TPGS2: variants seen among roughly 807,000 people sequenced by gnomAD.
The protein encoded by TPGS2 is polyglutamylase subunit 2.
TPGS2 carries 26 observed loss-of-function variants against 31.1 expected under a neutral mutation model. The observed-to-expected ratio is 0.84, with a 90% CI of 0.61 to 1.16. The LOEUF is 1.16. Ranked by LOEUF, TPGS2 falls within the 50% of genes most tolerant of loss-of-function variation. The pLI is 0.00. For synonymous variants in TPGS2, 130 were observed against 136.6 expected, an observed-to-expected ratio of 0.95 and a Z score of 0.34; for missense variants, 351 against 363.8, an observed-to-expected ratio of 0.96 and a Z score of 0.29.
chr18:36,791,863 C>T (rs1003677704), downstream of TPGS2, among the ~76,000 whole-genome samples: 1 of 151,950 alleles, frequency 6.6e-6, no homozygotes, highest in African/African-American at 2.4e-5. Context: ...GAGACTGCAT[C>T]TCTATAAATA....
In TPGS2 at chr18:36,807,876, A is replaced by G. The variant is rs918412059; in HGVS notation, c.224T>C (p.Phe75Ser). Residue 75 changes from phenylalanine to serine, a missense_variant, in exon 3 of 7, where the codon TTC becomes TCC. Phe to Ser is a radical substitution (Grantham distance 155). Transcript: ENST00000334295. Reference sequence around the variant, plus strand: ...CAGCTTCACACTCCATGTCATGTGGAAGCCATTGGTCATCAGGTAAAAGTT... The same window carrying G: ...CAGCTTCACACTCCATGTCATGTGGGAGCCATTGGTCATCAGGTAAAAGTT... ...VKNFYLMTNGFHMTWSVKLDE... is the reference protein window; with the variant it reads ...VKNFYLMTNGSHMTWSVKLDE... The G allele has an allele frequency of 7.4e-6, 12 of 1,614,192 alleles. No homozygotes were observed. The highest frequency in any genetic ancestry group is 8.5e-6 in the Non-Finnish European group (10 of 1,180,034).
chr18:36,787,642 GATACACTTATTTAGACAAGGT>G (rs1297945031), intron 6 of TPGS2, among the ~76,000 whole-genome samples: 1 of 152,218 alleles, frequency 6.6e-6, no homozygotes, highest in Non-Finnish European at 1.5e-5. Context: ...GATCCTTGAT[GATACACTTATTTAGACAAGGT>G]GATTTTACTG....
chr18:36,814,595 G>C (rs2045572331), intron 2 of TPGS2, among the ~76,000 whole-genome samples: 4 of 152,164 alleles, frequency 2.6e-5, no homozygotes, highest in Admixed American at 2.6e-4. Context: ...ATGAACATGA[G>C]ATCCAGAGAA....
chr18:36,828,100 G>A (rs1454881412), intron 1 of TPGS2, among the ~76,000 whole-genome samples: 2 of 152,088 alleles, frequency 1.3e-5, no homozygotes, highest in Non-Finnish European at 2.9e-5. Flanking sequence ...CCCAGGAGGC[G>A]CAGGTTGCAG....
chr18:36,793,569 T>C (rs563941305), downstream of TPGS2, among the ~76,000 whole-genome samples: 1 of 152,314 alleles, frequency 6.6e-6, no homozygotes, highest in South Asian at 2.1e-4. Context: ...CCACTTATGC[T>C]GAAAATACTA....
Position 36,786,854 on chromosome 18 carries a change from CATTCTTGCCATAACTGAGGAATG to C in TPGS2, c.658-3746_658-3724del. On this transcript the variant is annotated intron_variant, in intron 6 of 6. Transcript: ENST00000587129. ...CAACACCTAACAGTGAAAAATAGCA[CATTCTTGCCATAACTGAGGAATG>C]ATTGCGACACTGTTGTTCCCATGCT... The C allele has an allele frequency of 4.1e-6, 5 of 1,234,324 alleles. 1 individual carries two copies. Among genetic ancestry groups the C allele is most frequent in the Middle Eastern group, 2.1e-4 (1 of 4,840 alleles). 76.5% of individuals were successfully genotyped at this position (1,234,324 alleles called of 1,614,324 possible).
chr18:36,788,947 A>AAG (rs2044216471), intron 6 of TPGS2: 2 of 152,218 alleles, frequency 1.3e-5, no homozygotes. Context: ...AGCTGCTTTA[A>AAG]GATGCAGAAA....
At chr18:36,807,594 C>T in intron 3 of TPGS2, 1 of 529,826 alleles carries the variant, frequency 1.9e-6, no homozygotes, top group Non-Finnish European at 3.3e-6. Context: ...GTTTTCTCTA[C>T]CCTATTCCTA....
chr18:36,804,576 A>AG (rs2045015757), intron 4 of TPGS2, among the ~76,000 whole-genome samples: 1 of 152,172 alleles, frequency 6.6e-6, no homozygotes, highest in South Asian at 2.1e-4. Context: ...CAATCGGAGG[A>AG]GAAAGCCTTA....
intron 6 of TPGS2, among the ~76,000 whole-genome samples, chr18:36,797,622 C>A (rs911723170): frequency 8.7e-5 from 13 of 148,822 alleles, no homozygotes; most frequent in African/African-American, 3.2e-4. Flanking sequence ...AATTATGTGA[C>A]ATTTGAAGAA....
At chr18:36,798,417 A>G (rs756779608) in intron 6 of TPGS2, 32 bp downstream of exon 6, 6 of 1,613,918 alleles carry the variant, frequency 3.7e-6, no homozygotes, top group Non-Finnish European at 3.4e-6. Flanking sequence ...GGAATATACC[A>G]TAGTTTACAA....
chr18:36,825,855 C>A (rs575415639), intron 1 of TPGS2, among the ~76,000 whole-genome samples: 1 of 152,264 alleles, frequency 6.6e-6, no homozygotes, highest in African/African-American at 2.4e-5. Context: ...TTGATGGGAA[C>A]TGGAGATGTG....
chr18:36,805,882 C>T (rs967167036), intron 3 of TPGS2: 6 of 156,314 alleles, frequency 3.8e-5, no homozygotes, highest in African/African-American at 1.4e-4. Flanking sequence ...TAAACATTTT[C>T]TGAAGGAGTA....
rs531327635 is a variant in TPGS2, at chr18:36,828,357, G to T, written c.85+326C>A. Among the ~76,000 whole-genome samples, 4 of 152,074 alleles carry T rather than the reference G, an allele frequency of 2.6e-5. No homozygotes were observed. The East Asian group carries it at 7.7e-4, about 29-fold the overall frequency. ...TGCCCTGGCTGAGAATGCCTCCTAG[G>T]GGGAGATCCAACTTCCCAACCGTCA... is the stretch of plus-strand genomic sequence containing the variant. On this transcript the variant is annotated intron_variant, in intron 1 of 6. Coordinates refer to ENST00000334295, the MANE Select transcript of TPGS2 (RefSeq NM_015476.4).
intron 2 of TPGS2, among the ~76,000 whole-genome samples, chr18:36,810,455 C>A (rs2045370141): frequency 1.3e-5 from 2 of 152,132 alleles, no homozygotes; most frequent in Admixed American, 6.5e-5. Flanking sequence ...CTGCCCACAT[C>A]AGAGGGCTTC....
Position 36,795,885 on chromosome 18 carries a change from C to A in TPGS2, c.*920G>T, listed in dbSNP as rs773358199. 3 of 985,442 alleles carry A rather than the reference C, an allele frequency of 3.0e-6. No homozygotes were observed. Among genetic ancestry groups the A allele is most frequent in the Non-Finnish European group, 3.6e-6 (3 of 829,940 alleles). The allele number at this position is 985,442 out of a possible 1,614,324, so 61.0% of individuals were successfully genotyped here. A position where few individuals can be genotyped will look rare whatever the true frequency, so the allele number is the denominator to read the frequency against. On this transcript the variant is annotated 3_prime_UTR_variant, in exon 7 of 7. Transcript: ENST00000334295. ...GAAAGCTTCTGTTAACAGTGTCTGG[C>A]ACCATTAAAACTCTTTCTTTATGAA... is the stretch of plus-strand genomic sequence containing the variant.
intron 5 of TPGS2, 131 bp from the exon 6 acceptor site, chr18:36,798,740 G>T: frequency 7.1e-7 from 1 of 1,399,620 alleles, no homozygotes; most frequent in Non-Finnish European, 9.4e-7. Context: ...TAAAGTAAAA[G>T]TTCCCCTTCT....
chr18:36,784,986 G>A (rs1441439106), intron 6 of TPGS2, among the ~76,000 whole-genome samples: 2 of 152,072 alleles, frequency 1.3e-5, no homozygotes, highest in African/African-American at 4.8e-5. Context: ...TCGTGTACAG[G>A]GTTGAAGCAC....
At chr18:36,780,031 TACTA>T (rs774342550), downstream of TPGS2, 128 of 741,450 alleles carry the variant, frequency 1.7e-4, no homozygotes, top group Middle Eastern at 1.7e-3. Flanking sequence ...ATGTTTCAAA[TACTA>T]AATAAATAGA....
Sources: gnomAD v4.1 joint callset for allele counts (sites outside exome capture counted in the v4.1 genomes callset) on GRCh38, gnomAD v4.1.1 for gene constraint, MANE v1.5 for transcripts, NCBI Gene and HGNC (gene_info 2026-07-23, HGNC 2026-07-21) for gene names.